The following NEB variants were observed in gnomAD, a reference collection of about 807,000 sequenced individuals.
The protein encoded by NEB is nemaline myopathy type 2.
NEB carries 512 observed loss-of-function variants against 952.2 expected under a neutral mutation model. The observed-to-expected ratio is 0.54, with a 90% CI of 0.50 to 0.58. NEB has a LOEUF of 0.58. Among genes scored for constraint, NEB ranks in the 20% least tolerant of loss-of-function variants. The probability of loss-of-function intolerance (pLI) is 0.00; values close to 1 mark genes in which losing one functional copy is unlikely to be tolerated. For synonymous variants in NEB, 2,900 were observed against 3,149.8 expected, an observed-to-expected ratio of 0.92 and a Z score of 2.66; for missense variants, 8,428 against 9,231.1, an observed-to-expected ratio of 0.91 and a Z score of 3.56.
At chr2:151,657,515 CTGA>C (rs2099098503) in intron 48 of NEB, among the ~76,000 whole-genome samples, 1 of 152,136 alleles carries the variant, frequency 6.6e-6, no homozygotes, top group Admixed American at 6.5e-5. Context: ...CCCGTCACAG[CTGA>C]TATCAAGCCA....
intron 10 of NEB, among the ~76,000 whole-genome samples, chr2:151,712,736 G>A (rs915232038): frequency 1.3e-5 from 2 of 152,054 alleles, no homozygotes; most frequent in African/African-American, 4.8e-5. Context: ...GGAAGAGAGA[G>A]GTATGTGTCC....
intron 150 of NEB, 138 bp from the exon 151 acceptor site, chr2:151,525,411 T>G (rs2085133644): frequency 4.7e-6 from 3 of 640,360 alleles, no homozygotes; most frequent in Non-Finnish European, 8.2e-6. Context: ...AGACCCATAT[T>G]CTAGTTCTTC....
intron 167 of NEB, among the ~76,000 whole-genome samples, chr2:151,502,463 A>C (rs942656984): frequency 1.3e-5 from 2 of 152,142 alleles, no homozygotes; most frequent in African/African-American, 4.8e-5. Context: ...TAAAATTCTA[A>C]TTAACATTGT....
intron 54 of NEB, among the ~76,000 whole-genome samples, chr2:151,649,457 T>C (rs1014628692): frequency 6.6e-6 from 1 of 152,192 alleles, no homozygotes; most frequent in Admixed American, 6.5e-5. Context: ...ATTTAGATCC[T>C]CCTAATAACA....
rs1469092630 is a variant in NEB at position 151,694,365 on chromosome 2, G to A, written c.1854C>T (p.Pro618=). 1.9e-6 allele frequency: 3 copies of A among 1,613,940 alleles called. No individual in the cohort carries two copies. The Admixed American group carries it at 5.0e-5, about 27-fold the overall frequency. ...MIGVLSINDD[P]KMLHSLKVAK... is the part of the protein sequence containing the mutation. ...CCACCTTCAAGGAGTGCAGCATCTT[G>A]GGATCGTCATTAATGCTGAGGACTC... The change falls in exon 20 of 182, where the codon CCC becomes CCT. Residue 618 remains proline, a synonymous_variant. Transcript: ENST00000397345.
chr2:151,518,989 C>G lies in NEB; in HGVS notation c.22671G>C (p.Leu7557=), dbSNP rs775154161. The part of the protein sequence containing the change: ...MKESLIMNHV[L]NTSQLASSYQ... ...CAGAACTGGCAAGTTGGCTTGTATT[C>G]AGGACATGATTCATGATCAGAGACT... Residue 7557 remains leucine (L), a synonymous_variant, in exon 155 of 182, where the codon CTG becomes CTC. Transcript: ENST00000397345. 3 of 1,613,200 alleles carry G rather than the reference C, an allele frequency of 1.9e-6. No individual in the cohort carries two copies. In the African/African-American group the frequency reaches 4.0e-5, roughly 22 times the overall value.
chr2:151,519,861 A>C, intron 153 of NEB, 93 bp from the exon 154 acceptor site: 2 of 801,220 alleles, frequency 2.5e-6, no homozygotes, highest in Non-Finnish European at 4.4e-6. Context: ...AAGAATATGC[A>C]TTGTACATAG....
At chr2:151,704,977 C>G (rs2099699189) in intron 13 of NEB, among the ~76,000 whole-genome samples, 1 of 152,180 alleles carries the variant, frequency 6.6e-6, no homozygotes, top group African/African-American at 2.4e-5. Flanking sequence ...TTGCTGCCCT[C>G]TCTGTCTCTT....
chr2:151,487,067 G>A (rs553363896), intron 181 of NEB, among the ~76,000 whole-genome samples: 4 of 152,256 alleles, frequency 2.6e-5, no homozygotes, highest in Non-Finnish European at 2.9e-5. Flanking sequence ...GCGCATGTGC[G>A]TGTGTGTGTA....
At chr2:151,675,513 T>C in intron 34 of NEB, 122 bp from the exon 35 acceptor site, 1 of 646,636 alleles carries the variant, frequency 1.5e-6, no homozygotes. Flanking sequence ...AAAGGCATTT[T>C]CCTATTTTTT....
At chr2:151,515,066 G>C in intron 157 of NEB, 138 bp from the exon 158 acceptor site, 1 of 625,310 alleles carries the variant, frequency 1.6e-6, no homozygotes, top group East Asian at 2.7e-5. Context: ...TCACACATTT[G>C]AAACATGTAT....
intron 158 of NEB, 75 bp downstream of exon 158, chr2:151,514,743 G>A: frequency 9.4e-7 from 1 of 1,066,534 alleles, no homozygotes; most frequent in Non-Finnish European, 1.4e-6. Flanking sequence ...TAAATGGTAG[G>A]AGGAACACAT....
intron 162 of NEB, among the ~76,000 whole-genome samples, chr2:151,507,543 T>C (rs187465186): frequency 1.1e-3 from 169 of 152,330 alleles, no homozygotes; most frequent in Non-Finnish European, 5.4e-4. Flanking sequence ...TAGGAGAATC[T>C]GAACAAACAG....
At chr2:151,522,828 T>C (rs1419347814) in intron 153 of NEB, among the ~76,000 whole-genome samples, 1 of 152,158 alleles carries the variant, frequency 6.6e-6, no homozygotes, top group Non-Finnish European at 1.5e-5. Context: ...GCCTTTGAGG[T>C]ATTCCGCCTA....
At chr2:151,682,623 C>A (rs764955321) in intron 29 of NEB, 39 bp downstream of exon 29, 1 of 1,492,048 alleles carries the variant, frequency 6.7e-7, no homozygotes, top group Non-Finnish European at 9.3e-7. Flanking sequence ...TAACACAACA[C>A]AGTCACCACT....
chr2:151,644,422 T>G lies in NEB; in HGVS notation c.7644+46A>C, dbSNP rs747051653. ...AAATTAAATTGAGACTGCTTTGAAGTGATAAATTGCAATCAAATCAATATC... is the reference window on the plus strand; with the variant it reads ...AAATTAAATTGAGACTGCTTTGAAGGGATAAATTGCAATCAAATCAATATC... On this transcript the variant is annotated intron_variant, in intron 56 of 181. Coordinates refer to ENST00000397345, the MANE Select transcript of NEB (RefSeq NM_001164508.2). 4 of 1,508,086 alleles carry G rather than the reference T, an allele frequency of 2.7e-6. No individual in the cohort carries two copies. The African/African-American group carries it at 4.1e-5, about 16-fold the overall frequency. 93.4% of individuals were successfully genotyped at this position (1,508,086 alleles called of 1,614,324 possible).
At chr2:151,650,435 CA>C (rs1355775782) in intron 53 of NEB, 56 bp from the exon 54 acceptor site, 9 of 1,567,942 alleles carry the variant, frequency 5.7e-6, no homozygotes, top group African/African-American at 1.4e-5. Context: ...ACCCTTGATT[CA>C]AGTGATTCTA....
intron 38 of NEB, among the ~76,000 whole-genome samples, chr2:151,669,547 A>G (rs979822801): frequency 1.2e-4 from 19 of 152,292 alleles, no homozygotes; most frequent in African/African-American, 4.3e-4. Flanking sequence ...TCAAACTTGG[A>G]GAGAGGGGCA....
At position 151,713,788 on chromosome 2, in the gene NEB, A is replaced by C. The variant is rs1048568109; in HGVS notation, c.823-3250T>G. Among the ~76,000 whole-genome samples the C allele has an allele frequency of 2.0e-5, 3 of 152,370 alleles. No homozygotes were observed. In the East Asian group the frequency reaches 5.8e-4, roughly 29 times the overall value. On this transcript the variant is annotated intron_variant, in intron 10 of 181. Coordinates refer to ENST00000397345, the MANE Select transcript of NEB (RefSeq NM_001164508.2). Reference sequence around the variant, plus strand: ...TAGAGCTACAAAATACAGCTGAGACAGAAGGAAGTATGTAGCTAATGGCTT... The same window carrying C: ...TAGAGCTACAAAATACAGCTGAGACCGAAGGAAGTATGTAGCTAATGGCTT...
Sources: gnomAD v4.1 joint callset for allele counts (sites outside exome capture counted in the v4.1 genomes callset) on GRCh38, gnomAD v4.1.1 for gene constraint, MANE v1.5 for transcripts, NCBI Gene and HGNC (gene_info 2026-07-23, HGNC 2026-07-21) for gene names.